Variants in MAN1A1 observed in about 807,000 individuals in gnomAD.
The protein encoded by MAN1A1 is mannosidase alpha class 1A member 1, also known as mannosyl-oligosaccharide 1,2-alpha-mannosidase IA.
In MAN1A1, 29 loss-of-function variants were observed where a neutral mutation model predicts 70.8. The ratio of observed to expected loss-of-function variants is 0.41; its 90% CI spans 0.31 to 0.56. MAN1A1 has a LOEUF of 0.56. Among genes scored for constraint, MAN1A1 ranks in the 20% least tolerant of loss-of-function variants. The pLI is 0.29. For synonymous variants in MAN1A1, 349 were observed against 330.1 expected (o/e 1.06, Z -0.62); for missense variants, 747 against 841.3 (o/e 0.89, Z 1.39).
chr6:119,334,687 G>A (rs1283124917), intron 2 of MAN1A1, among the ~76,000 whole-genome samples: 1 of 152,168 alleles, frequency 6.6e-6, no homozygotes, highest in Non-Finnish European at 1.5e-5. Context: ...AATCTCTGCT[G>A]CCAATGTAGT....
At chr6:119,228,267 G>C (rs1484990524) in intron 6 of MAN1A1, among the ~76,000 whole-genome samples, 2 of 152,132 alleles carry the variant, frequency 1.3e-5, no homozygotes, top group South Asian at 4.1e-4. Flanking sequence ...CAAAGAATGT[G>C]ATTAACTTCA....
intron 2 of MAN1A1, among the ~76,000 whole-genome samples, chr6:119,321,071 C>T (rs192410863): frequency 3.0e-4 from 45 of 152,256 alleles, no homozygotes; most frequent in African/African-American, 1.0e-3. Context: ...TACAATTTCT[C>T]TTTCTCAAAT....
Position 119,311,169 on chromosome 6 carries a change from C to T in MAN1A1, c.604-4177G>A, listed in dbSNP as rs904006835. ...GGCATGTAAAGAGTTTAACATGTTG[C>T]CCGACACACATTAAGTGCTCAATGC... is the stretch of plus-strand genomic sequence containing the variant. On this transcript the variant is annotated intron_variant, in intron 2 of 12. Transcript: ENST00000368468. Among the ~76,000 whole-genome samples, 4 of 152,276 alleles carry T rather than the reference C, an allele frequency of 2.6e-5. No homozygotes were observed. The East Asian group carries it at 5.8e-4, about 22-fold the overall frequency.
chr6:119,192,215 T>C (rs1773460505), intron 9 of MAN1A1, among the ~76,000 whole-genome samples: 1 of 152,180 alleles, frequency 6.6e-6, no homozygotes, highest in Admixed American at 6.5e-5. Flanking sequence ...AATTAAAATG[T>C]CTGCCAGTAT....
At chr6:119,186,219 C>G (rs553874370) in intron 11 of MAN1A1, among the ~76,000 whole-genome samples, 43 of 152,164 alleles carry the variant, frequency 2.8e-4, no homozygotes, top group African/African-American at 1.0e-3. Flanking sequence ...GCTGGAAAGT[C>G]CTTGGGTTGA....
chr6:119,178,706 A>G lies in MAN1A1; in HGVS notation c.*1113T>C, dbSNP rs1308625726. 2 of 152,144 alleles carry G rather than the reference A, an allele frequency of 1.3e-5. No individual in the cohort carries two copies. Among genetic ancestry groups the G allele is most frequent in the Non-Finnish European group, 2.9e-5 (2 of 67,978 alleles). 9.4% of individuals were successfully genotyped at this position (152,144 alleles called of 1,614,324 possible). A position where few individuals can be genotyped will look rare whatever the true frequency, so the allele number is the denominator to read the frequency against. Reference sequence around the variant, plus strand: ...AATATGCTATATTCTTATTTGGCCTAAAATTTATTAGATTTTCCTTGATTG... The same window carrying G: ...AATATGCTATATTCTTATTTGGCCTGAAATTTATTAGATTTTCCTTGATTG... On this transcript the variant is annotated 3_prime_UTR_variant, in exon 13 of 13. Coordinates refer to ENST00000368468, the MANE Select transcript of MAN1A1 (RefSeq NM_005907.4).
chr6:119,181,271 A>T (rs968231632), intron 11 of MAN1A1, among the ~76,000 whole-genome samples: 15 of 152,200 alleles, frequency 9.9e-5, no homozygotes, highest in African/African-American at 3.6e-4. Context: ...GTCAACTGGG[A>T]TCATAAACCA....
chr6:119,291,529 T>C (rs2114419827), intron 4 of MAN1A1, among the ~76,000 whole-genome samples: 2 of 59,312 alleles, frequency 3.4e-5, no homozygotes, highest in Admixed American at 2.7e-4. Flanking sequence ...GCCAGGGCAT[T>C]TTTTTTTTCT....
chr6:119,327,933 T>A (rs1443598605), intron 2 of MAN1A1, among the ~76,000 whole-genome samples: 1 of 152,100 alleles, frequency 6.6e-6, no homozygotes, highest in Non-Finnish European at 1.5e-5. Context: ...GGACCTTAGT[T>A]CTACAGTTGG....
intron 5 of MAN1A1, among the ~76,000 whole-genome samples, chr6:119,281,047 T>TTTAC (rs796818010): frequency 2.6e-5 from 4 of 152,300 alleles, no homozygotes; most frequent in African/African-American, 9.6e-5. Context: ...GTCTGTCAAC[T>TTTAC]TTACTGTTTC....
chr6:119,229,877 T>C (rs1774629935), intron 6 of MAN1A1, among the ~76,000 whole-genome samples: 1 of 152,214 alleles, frequency 6.6e-6, no homozygotes, highest in Non-Finnish European at 1.5e-5. Context: ...CGACATTCTC[T>C]TCTTCAAATT....
At chr6:119,345,190 GA>G (rs532256604) in intron 2 of MAN1A1, among the ~76,000 whole-genome samples, 4,246 of 93,024 alleles carry the variant, frequency 0.046, 196 homozygotes, top group African/African-American at 0.17. Context: ...GGGAGAGGTT[GA>G]GGGGGGGGCG....
At chr6:119,289,998 G>T (rs974844448) in intron 5 of MAN1A1, among the ~76,000 whole-genome samples, 2 of 150,726 alleles carry the variant, frequency 1.3e-5, no homozygotes, top group African/African-American at 2.4e-5. Context: ...ACAACCCTTA[G>T]TGGACACTCA....
At chr6:119,327,358 G>C (rs1450453724) in intron 2 of MAN1A1, 1 of 149,952 alleles carries the variant, frequency 6.7e-6, no homozygotes, top group African/African-American at 2.5e-5. Flanking sequence ...AGGATCATGT[G>C]CAAATTTATG....
chr6:119,246,940 G>T (rs1224806222), intron 6 of MAN1A1, among the ~76,000 whole-genome samples: 1 of 151,966 alleles, frequency 6.6e-6, no homozygotes, highest in South Asian at 2.1e-4. Context: ...AATAGAGAAC[G>T]ATTAATATCT....
chr6:119,250,727 CAT>C (rs59737294), intron 5 of MAN1A1, among the ~76,000 whole-genome samples: 2,285 of 151,800 alleles, frequency 0.015, 55 homozygotes, highest in African/African-American at 0.052. Context: ...CACTTTTAAT[CAT>C]GTGTGTGCAT....
chr6:119,269,180 C>T (rs1775843784), intron 5 of MAN1A1: 1 of 211,368 alleles, frequency 4.7e-6, no homozygotes, highest in Non-Finnish European at 9.9e-6. Flanking sequence ...TAATTGTTTT[C>T]TCCTCCACAT....
At chr6:119,254,126 G>A (rs1452398278) in intron 5 of MAN1A1, among the ~76,000 whole-genome samples, 1 of 152,038 alleles carries the variant, frequency 6.6e-6, no homozygotes, top group Non-Finnish European at 1.5e-5. Flanking sequence ...GAGAATGAAG[G>A]AGGCATATCA....
intron 5 of MAN1A1, among the ~76,000 whole-genome samples, chr6:119,281,440 T>C (rs1783535308): frequency 6.6e-6 from 1 of 152,192 alleles, no homozygotes. Context: ...GCCAATGACA[T>C]GTAAGCTGAA....
Sources: gnomAD v4.1 joint callset for allele counts (sites outside exome capture counted in the v4.1 genomes callset) on GRCh38, gnomAD v4.1.1 for gene constraint, MANE v1.5 for transcripts, NCBI Gene and HGNC (gene_info 2026-07-23, HGNC 2026-07-21) for gene names.